Variants in SGCG observed in about 807,000 individuals in gnomAD.
SGCG encodes sarcoglycan gamma.
In SGCG, 26 loss-of-function variants were observed where a neutral mutation model predicts 29.3. The ratio of observed to expected loss-of-function variants is 0.89; its 90% CI spans 0.65 to 1.23. SGCG has a LOEUF of 1.23. Ranked by LOEUF, SGCG falls within the 50% of genes most tolerant of loss-of-function variation. The pLI is 0.00. For missense variants in SGCG, 353 were observed against 356.0 expected (o/e 0.99, Z 0.07); for synonymous variants, 145 against 129.7 (o/e 1.12, Z -0.80).
chr13:23,283,898 A>C (rs1300966822), intron 5 of SGCG, among the ~76,000 whole-genome samples: 4 of 152,174 alleles, frequency 2.6e-5, no homozygotes, highest in Non-Finnish European at 5.9e-5. Flanking sequence ...TTCTGGGTTG[A>C]AAATTCTTTT....
intron 5 of SGCG, among the ~76,000 whole-genome samples, chr13:23,292,119 CT>C (rs71100167): frequency 6.8e-6 from 1 of 147,462 alleles, no homozygotes; most frequent in South Asian, 2.2e-4. Context: ...ACATTTCTTT[CT>C]TTTTTTTGAG....
intron 5 of SGCG, among the ~76,000 whole-genome samples, chr13:23,285,869 T>C (rs9510668): frequency 0.43 from 65,851 of 151,964 alleles, 15,112 homozygotes; most frequent in Middle Eastern, 0.65. Flanking sequence ...GAGGGAGTTC[T>C]CCAACCCCTT....
intron 4 of SGCG, 41 bp downstream of exon 4, chr13:23,250,758 C>T: frequency 1.8e-6 from 2 of 1,100,548 alleles, no homozygotes; most frequent in Non-Finnish European, 2.8e-6. Context: ...TGCATGTTGT[C>T]CATGAATAGT....
At chr13:23,260,425 G>A (rs1385890918) in intron 4 of SGCG, among the ~76,000 whole-genome samples, 3 of 151,802 alleles carry the variant, frequency 2.0e-5, no homozygotes, top group African/African-American at 7.3e-5. Flanking sequence ...CCTTTATTTT[G>A]AGCCTGTGTA....
chr13:23,168,916 A>G, the SGCG span, among the ~76,000 whole-genome samples: 83 of 152,204 alleles, frequency 5.5e-4, no homozygotes, highest in African/African-American at 2.0e-3. Context: ...AATATGGTTT[A>G]ATTTGCATTG....
At chr13:23,235,932 C>T (rs1246581961) in intron 3 of SGCG, among the ~76,000 whole-genome samples, 11 of 152,188 alleles carry the variant, frequency 7.2e-5, no homozygotes, top group Non-Finnish European at 8.8e-5. Flanking sequence ...AGCTCTGTTA[C>T]CAATTGCAAA....
intron 5 of SGCG, among the ~76,000 whole-genome samples, chr13:23,294,527 A>T (rs1261906198): frequency 6.6e-6 from 1 of 152,158 alleles, no homozygotes; most frequent in African/African-American, 2.4e-5. Context: ...TCATTTTCCT[A>T]TGTGAAAATA....
intron 1 of SGCG, among the ~76,000 whole-genome samples, chr13:23,196,242 A>T (rs1194415377): frequency 6.6e-6 from 1 of 152,134 alleles, no homozygotes; most frequent in Non-Finnish European, 1.5e-5. Flanking sequence ...CCCAGTACAG[A>T]TAATGGTAAA....
intron 6 of SGCG, among the ~76,000 whole-genome samples, chr13:23,303,227 G>A (rs1289353014): frequency 6.6e-6 from 1 of 152,146 alleles, no homozygotes; most frequent in Non-Finnish European, 1.5e-5. Context: ...TTGTTAAAAA[G>A]GATCTGGGAA....
intron 2 of SGCG, among the ~76,000 whole-genome samples, 168 bp from the exon 3 acceptor site, chr13:23,234,443 G>A (rs1030021753): frequency 4.0e-5 from 6 of 151,390 alleles, no homozygotes; most frequent in South Asian, 2.1e-4. Context: ...AAGATTTAAT[G>A]ACATTGAATA....
intron 3 of SGCG, among the ~76,000 whole-genome samples, chr13:23,236,505 G>A (rs552036731): frequency 3.8e-4 from 58 of 151,970 alleles, no homozygotes; most frequent in Non-Finnish European, 7.2e-4. Context: ...GTGAAACCCC[G>A]TCTCTACTAA....
intron 1 of SGCG, among the ~76,000 whole-genome samples, chr13:23,202,387 G>T (rs1877802362): frequency 6.6e-6 from 1 of 152,200 alleles, no homozygotes; most frequent in Admixed American, 6.5e-5. Flanking sequence ...CTAAACTAGT[G>T]TGGTAGCAAT....
chr13:23,221,346 T>C (rs1593180878), intron 2 of SGCG, among the ~76,000 whole-genome samples: 1 of 152,228 alleles, frequency 6.6e-6, no homozygotes, highest in Non-Finnish European at 1.5e-5. Flanking sequence ...ATTAGGACTA[T>C]ATAACACAAA....
chr13:23,250,502 T>A, intron 3 of SGCG, 128 bp from the exon 4 acceptor site: 2 of 652,704 alleles, frequency 3.1e-6, no homozygotes, highest in East Asian at 2.8e-5. Context: ...GCCACAAATT[T>A]ATAGGATTTC....
At chr13:23,258,909 G>A (rs1439756421) in intron 4 of SGCG, among the ~76,000 whole-genome samples, 1 of 152,090 alleles carries the variant, frequency 6.6e-6, no homozygotes, top group Non-Finnish European at 1.5e-5. Flanking sequence ...ACTAGATCTT[G>A]GTGGCTAAGC....
At chr13:23,279,733 T>TCCTTCCTTCCTCCC (rs1169013580) in intron 5 of SGCG, among the ~76,000 whole-genome samples, 1 of 151,726 alleles carries the variant, frequency 6.6e-6, no homozygotes, top group Non-Finnish European at 1.5e-5. Flanking sequence ...CTTCCTTCTT[T>TCCTTCCTTCCTCCC]TTTTTTTCTT....
chr13:23,267,740 A>G (rs1360375617), intron 4 of SGCG: 2 of 152,268 alleles, frequency 1.3e-5, no homozygotes, highest in African/African-American at 4.8e-5. Context: ...ATTGAACTCA[A>G]TGGAAGAAAC....
chr13:23,262,161 A>G (rs1880463688), intron 4 of SGCG, among the ~76,000 whole-genome samples: 1 of 152,074 alleles, frequency 6.6e-6, no homozygotes, highest in Non-Finnish European at 1.5e-5. Flanking sequence ...TCACATCTCA[A>G]TATTCACATT....
chr13:23,279,831 A>G (rs9317613), intron 5 of SGCG, among the ~76,000 whole-genome samples: 96,233 of 151,198 alleles, frequency 0.64, 32,266 homozygotes, highest in Middle Eastern at 0.84. Context: ...GGGTTCAAGC[A>G]ATTCTCCTGC....
Sources: gnomAD v4.1 joint callset for allele counts (sites outside exome capture counted in the v4.1 genomes callset) on GRCh38, gnomAD v4.1.1 for gene constraint, MANE v1.5 for transcripts, NCBI Gene and HGNC (gene_info 2026-07-23, HGNC 2026-07-21) for gene names.